CDH12: variants seen among roughly 807,000 people sequenced by gnomAD.
CDH12 encodes cadherin 12.
CDH12 carries 41 observed loss-of-function variants against 74.1 expected under a neutral mutation model. The observed-to-expected ratio is 0.55, with a 90% CI of 0.43 to 0.72. The LOEUF (loss-of-function observed/expected upper bound fraction) is 0.72. Ranked by LOEUF, CDH12 falls within the 30% of genes least tolerant of loss-of-function variation. The pLI is 0.00. For missense variants in CDH12, 945 were observed against 977.2 expected (o/e 0.97, Z 0.44); for synonymous variants, 399 against 355.0 (o/e 1.12, Z -1.39).
intron 5 of CDH12, among the ~76,000 whole-genome samples, chr5:22,068,712 A>C (rs900500605): frequency 2.0e-5 from 3 of 152,224 alleles, no homozygotes; most frequent in African/African-American, 7.2e-5. Flanking sequence ...GTTTACAAAA[A>C]GGTAACATCA....
chr5:21,803,156 T>C (rs1156748973), intron 9 of CDH12, among the ~76,000 whole-genome samples: 1 of 152,152 alleles, frequency 6.6e-6, no homozygotes, highest in African/African-American at 2.4e-5. Flanking sequence ...ATACTCTAGA[T>C]TCTAGCTGTA....
At chr5:22,262,073 T>C (rs2150394423) in intron 3 of CDH12, among the ~76,000 whole-genome samples, 1 of 152,222 alleles carries the variant, frequency 6.6e-6, no homozygotes. Flanking sequence ...ACTTACTTAA[T>C]ATCATTGCAT....
intron 2 of CDH12, among the ~76,000 whole-genome samples, chr5:22,453,500 C>T (rs544606569): frequency 5.9e-5 from 9 of 152,040 alleles, no homozygotes; most frequent in Admixed American, 5.9e-4. Context: ...TGACAAATAC[C>T]ACATGACCTC....
chr5:22,338,944 A>T (rs756721208), intron 3 of CDH12, among the ~76,000 whole-genome samples: 3 of 152,172 alleles, frequency 2.0e-5, no homozygotes, highest in Non-Finnish European at 4.4e-5. Context: ...AGCAAAAAGA[A>T]CAGAGGCTTC....
intron 2 of CDH12, among the ~76,000 whole-genome samples, chr5:22,473,446 T>A (rs899391610): frequency 1.1e-4 from 17 of 152,166 alleles, no homozygotes; most frequent in Admixed American, 6.6e-5. Flanking sequence ...ATAAAACATA[T>A]TTATTGAATG....
At chr5:22,738,728 TAA>T (rs1346205241) in intron 1 of CDH12, among the ~76,000 whole-genome samples, 1 of 152,004 alleles carries the variant, frequency 6.6e-6, no homozygotes, top group Non-Finnish European at 1.5e-5. Flanking sequence ...AATATTTCAA[TAA>T]AACCATGAAA....
chr5:21,766,088 A>G (rs1247319916), intron 11 of CDH12, among the ~76,000 whole-genome samples: 2 of 152,020 alleles, frequency 1.3e-5, no homozygotes, highest in East Asian at 1.9e-4. Flanking sequence ...AAGCCACCAA[A>G]GACTTATAAT....
intron 2 of CDH12, among the ~76,000 whole-genome samples, chr5:22,428,276 T>A (rs1323241813): frequency 1.3e-5 from 2 of 152,150 alleles, no homozygotes; most frequent in Non-Finnish European, 2.9e-5. Context: ...ATAGATATCA[T>A]ATATCCATTT....
At chr5:22,187,668 A>G (rs1750039576) in intron 4 of CDH12, among the ~76,000 whole-genome samples, 2 of 149,800 alleles carry the variant, frequency 1.3e-5, no homozygotes. Flanking sequence ...AAAAAAAGAA[A>G]GAAAGAAAGA....
At chr5:22,025,556 G>A (rs934248687) in intron 5 of CDH12, among the ~76,000 whole-genome samples, 1 of 152,152 alleles carries the variant, frequency 6.6e-6, no homozygotes, top group Non-Finnish European at 1.5e-5. Context: ...GATCAGGGTG[G>A]TGGTTGCTGA....
intron 1 of CDH12, among the ~76,000 whole-genome samples, chr5:22,693,298 C>T (rs938414414): frequency 6.6e-6 from 1 of 152,126 alleles, no homozygotes; most frequent in African/African-American, 2.4e-5. Flanking sequence ...ATATGCAGTG[C>T]TAAGTGCGGG....
At chr5:22,460,224 T>C (rs1426477554) in intron 2 of CDH12, among the ~76,000 whole-genome samples, 1 of 152,168 alleles carries the variant, frequency 6.6e-6, no homozygotes, top group Non-Finnish European at 1.5e-5. Context: ...ATATAATTTA[T>C]TTTTTTCAAG....
intron 1 of CDH12, among the ~76,000 whole-genome samples, chr5:22,693,029 T>C (rs1006926704): frequency 6.6e-6 from 1 of 152,104 alleles, no homozygotes; most frequent in Non-Finnish European, 1.5e-5. Flanking sequence ...TTTTTTTTTT[T>C]TTCTTGACAT....
chr5:22,503,079 C>T (rs1161996134), intron 2 of CDH12, among the ~76,000 whole-genome samples: 3 of 152,048 alleles, frequency 2.0e-5, no homozygotes, highest in Non-Finnish European at 2.9e-5. Flanking sequence ...ATTTTTCATA[C>T]TGGAACAAGA....
chr5:22,335,754 T>C (rs2218417), intron 3 of CDH12, among the ~76,000 whole-genome samples: 5,138 of 152,194 alleles, frequency 0.034, 286 homozygotes, highest in African/African-American at 0.12. Context: ...TCCTTTCCTT[T>C]GTAAATTGTC....
chr5:22,155,780 C>T (rs865810745), intron 4 of CDH12, among the ~76,000 whole-genome samples: 1 of 152,108 alleles, frequency 6.6e-6, no homozygotes, highest in Non-Finnish European at 1.5e-5. Context: ...ACACAGGCAA[C>T]ACTGATGTAA....
chr5:22,277,242 G>C (rs1736673740), intron 3 of CDH12, among the ~76,000 whole-genome samples: 1 of 152,124 alleles, frequency 6.6e-6, no homozygotes, highest in Admixed American at 6.5e-5. Flanking sequence ...TATAGCAACT[G>C]GTATTTCTCT....
intron 1 of CDH12, among the ~76,000 whole-genome samples, chr5:22,517,064 T>A (rs1561462037): frequency 6.6e-6 from 1 of 151,964 alleles, no homozygotes; most frequent in Non-Finnish European, 1.5e-5. Context: ...TATAGTAAGG[T>A]TATATATCAG....
chr5:22,264,447 G>C (rs1488799337), intron 3 of CDH12, among the ~76,000 whole-genome samples: 1 of 152,048 alleles, frequency 6.6e-6, no homozygotes, highest in African/African-American at 2.4e-5. Context: ...TTTTAGTAGA[G>C]TTAATGACAG....
Sources: gnomAD v4.1 joint callset for allele counts (sites outside exome capture counted in the v4.1 genomes callset) on GRCh38, gnomAD v4.1.1 for gene constraint, MANE v1.5 for transcripts, NCBI Gene and HGNC (gene_info 2026-07-23, HGNC 2026-07-21) for gene names.